The following MCCC1 variants were observed in gnomAD, a reference collection of about 807,000 sequenced individuals.
MCCC1 encodes methylcrotonoyl-CoA carboxylase subunit alpha, mitochondrial.
A neutral mutation model predicts 83.8 loss-of-function variants in MCCC1; 64 were observed. The ratio of observed to expected loss-of-function variants is 0.76; its 90% CI spans 0.62 to 0.94. MCCC1 has a LOEUF of 0.94. Among genes scored for constraint, MCCC1 ranks in the 40% least tolerant of loss-of-function variants. MCCC1 has a pLI of 0.00. For synonymous variants in MCCC1, 322 were observed against 315.4 expected (o/e 1.02, Z -0.22); for missense variants, 807 against 904.7 (o/e 0.89, Z 1.39).
At chr3:183,059,859 A>G (rs1021813603) in intron 7 of MCCC1, among the ~76,000 whole-genome samples, 5 of 152,106 alleles carry the variant, frequency 3.3e-5, no homozygotes, top group African/African-American at 1.2e-4. Flanking sequence ...AAGATTTCTT[A>G]TTTTTATTCC....
chr3:183,113,876 G>A (rs2108588583), intron 1 of MCCC1, among the ~76,000 whole-genome samples: 1 of 152,280 alleles, frequency 6.6e-6, no homozygotes, highest in African/African-American at 2.4e-5. Context: ...CCCAGGGCTT[G>A]CAACTGGCAT....
chr3:183,068,080 C>T (rs2108521216), intron 7 of MCCC1, among the ~76,000 whole-genome samples: 1 of 152,146 alleles, frequency 6.6e-6, no homozygotes, highest in Non-Finnish European at 1.5e-5. Flanking sequence ...GATCTTTGTC[C>T]CTCTGCAACC....
At chr3:183,103,459 T>C (rs1719352259), upstream of MCCC1, among the ~76,000 whole-genome samples, 1 of 151,222 alleles carries the variant, frequency 6.6e-6, no homozygotes, top group African/African-American at 2.4e-5. Flanking sequence ...CCTGGAGACG[T>C]GGAGATTAGC....
At chr3:183,096,173 T>C (rs1253153549) in intron 1 of MCCC1, among the ~76,000 whole-genome samples, 1 of 152,000 alleles carries the variant, frequency 6.6e-6, no homozygotes, top group South Asian at 2.1e-4. Flanking sequence ...CCATCTCTAC[T>C]AACAATACAA....
chr3:183,034,025 A>C lies in MCCC1; in HGVS notation c.1647T>G (p.Tyr549Ter). The C allele has an allele frequency of 6.2e-7, 1 of 1,612,144 alleles. No homozygotes were observed. The highest frequency in any genetic ancestry group is 8.5e-7 in the Non-Finnish European group (1 of 1,178,904). ...CATCTTTAAGAGTCATGTTTCTGGT[A>C]TACGAGATATTCAGTCTTCTTCCAC... ...SSSGRRLNIS[Y>*]TRNMTLKDGK... Residue 549 changes from tyrosine (Y) to a stop codon, truncating the protein, a stop_gained, in exon 14 of 19, where the codon TAT becomes TAG. Transcript: ENST00000265594. LOFTEE classifies it high-confidence loss of function.
chr3:183,039,232 C>A (rs1713873377), intron 11 of MCCC1, 97 bp from the exon 12 acceptor site: 1 of 1,068,800 alleles, frequency 9.4e-7, no homozygotes, highest in East Asian at 2.5e-5. Context: ...CACGCTTAAT[C>A]CTCATAAACC....
intron 5 of MCCC1, 54 bp downstream of exon 5, chr3:183,072,312 A>G (rs1037283732): frequency 2.5e-6 from 4 of 1,605,614 alleles, no homozygotes; most frequent in Non-Finnish European, 2.6e-6. Context: ...GCCTGGCCCA[A>G]ACTATTTCAA....
chr3:183,112,905 C>G (rs1241947925), intron 1 of MCCC1, among the ~76,000 whole-genome samples: 2 of 150,924 alleles, frequency 1.3e-5, no homozygotes, highest in African/African-American at 4.9e-5. Context: ...AGACCCCCAT[C>G]TTAAAAAATA....
At chr3:183,088,211 T>G (rs1266850329) in intron 3 of MCCC1, among the ~76,000 whole-genome samples, 1 of 126,664 alleles carries the variant, frequency 7.9e-6, no homozygotes, top group African/African-American at 2.9e-5. Flanking sequence ...TTGTTGTGTG[T>G]TTTTTTTTTT....
intron 1 of MCCC1, among the ~76,000 whole-genome samples, chr3:183,106,513 T>TC (rs59542947): frequency 1.3e-5 from 2 of 149,462 alleles, no homozygotes; most frequent in African/African-American, 4.9e-5. Context: ...TTTCTTTCTT[T>TC]TTTGAAACAG....
upstream of MCCC1, among the ~76,000 whole-genome samples, chr3:183,102,686 G>A (rs1719333359): frequency 7.4e-6 from 1 of 134,734 alleles, no homozygotes; most frequent in Non-Finnish European, 1.5e-5. Context: ...CCAAGTAGAT[G>A]AAAGATTAAA....
intron 9 of MCCC1, among the ~76,000 whole-genome samples, chr3:183,048,936 A>T (rs1714753349): frequency 6.6e-6 from 1 of 152,262 alleles, no homozygotes; most frequent in Non-Finnish European, 1.5e-5. Context: ...AGAAATCACT[A>T]ACAGAAGGAT....
upstream of MCCC1, among the ~76,000 whole-genome samples, chr3:183,099,844 G>T (rs1219436476): frequency 1.3e-5 from 2 of 152,168 alleles, no homozygotes; most frequent in Non-Finnish European, 2.9e-5. Flanking sequence ...AATGCGGATG[G>T]ACAGCAGGAT....
intron 4 of MCCC1, among the ~76,000 whole-genome samples, chr3:183,084,992 C>T (rs1186884464): frequency 6.6e-6 from 1 of 152,048 alleles, no homozygotes; most frequent in Admixed American, 6.6e-5. Flanking sequence ...TGAGTTCTTC[C>T]CTTAGGAAAG....
intron 13 of MCCC1, among the ~76,000 whole-genome samples, chr3:183,034,291 A>C (rs1713345490): frequency 1.3e-5 from 2 of 152,084 alleles, no homozygotes; most frequent in Admixed American, 6.6e-5. Context: ...TCTACTAAAA[A>C]TACAAAAAAA....
intron 4 of MCCC1, among the ~76,000 whole-genome samples, chr3:183,083,659 T>A (rs1717681315): frequency 6.6e-6 from 1 of 152,210 alleles, no homozygotes; most frequent in Non-Finnish European, 1.5e-5. Context: ...GTCCCTGGAA[T>A]TAGCATATCA....
intron 2 of MCCC1, among the ~76,000 whole-genome samples, chr3:183,093,988 A>T (rs1414429605): frequency 6.6e-6 from 1 of 152,158 alleles, no homozygotes; most frequent in Non-Finnish European, 1.5e-5. Context: ...GGACAGAAAG[A>T]ACAAACGAAT....
chr3:183,037,637 C>T lies in MCCC1; in HGVS notation c.1378-203G>A, dbSNP rs192611203. On this transcript the variant is annotated intron_variant, in intron 12 of 18. Coordinates refer to ENST00000265594, the MANE Select transcript of MCCC1 (RefSeq NM_020166.5). ...CCATCTCACTATCACTATGTCCATC[C>T]GCTATTACTATATCCATCTGGACTT... 9.0e-4 allele frequency among the ~76,000 whole-genome samples: 137 copies of T among 152,250 alleles called. 2 individuals are homozygous for T. The South Asian group carries it at 0.017, about 19-fold the overall frequency.
At chr3:183,036,617 GCAACC>G in intron 13 of MCCC1, among the ~76,000 whole-genome samples, 1 of 145,040 alleles carries the variant, frequency 6.9e-6, no homozygotes, top group Non-Finnish European at 1.5e-5. Context: ...TCGGTTCACT[GCAACC>G]TCCGCCTCCC....
Sources: allele counts gnomAD v4.1 joint callset (sites outside exome capture counted in the v4.1 genomes callset), GRCh38; gene constraint gnomAD v4.1.1; transcripts MANE v1.5; gene names NCBI Gene and HGNC (gene_info 2026-07-23, HGNC 2026-07-21).